The following CNTN4 variants were observed in gnomAD, a reference collection of about 807,000 sequenced individuals.
CNTN4 encodes contactin 4.
CNTN4 carries 77 observed loss-of-function variants against 122.5 expected under a neutral mutation model. The observed-to-expected ratio is 0.63, with a 90% CI of 0.52 to 0.76. The LOEUF (loss-of-function observed/expected upper bound fraction) is 0.76, where lower values mean the gene tolerates loss of function less well. CNTN4 is among the 30% of genes least tolerant of loss of function. The pLI, the probability that CNTN4 is intolerant of heterozygous loss-of-function variation, is 0.00. For missense variants in CNTN4, 1,256 were observed against 1,259.1 expected (o/e 1.00, Z 0.04); for synonymous variants, 512 against 447.0 (o/e 1.15, Z -1.83).
intron 6 of CNTN4, among the ~76,000 whole-genome samples, chr3:2,797,822 A>G (rs2092235113): frequency 6.6e-6 from 1 of 152,120 alleles, no homozygotes; most frequent in Non-Finnish European, 1.5e-5. Context: ...TAGGGTGTTA[A>G]CAATGTCTGT....
intron 3 of CNTN4, among the ~76,000 whole-genome samples, chr3:2,347,213 C>T (rs556460075): frequency 2.2e-4 from 34 of 152,230 alleles, no homozygotes; most frequent in African/African-American, 8.2e-4. Flanking sequence ...ATGCAACATT[C>T]TCAATGAAAG....
intron 17 of CNTN4, among the ~76,000 whole-genome samples, chr3:3,035,644 C>A (rs1166666120): frequency 6.6e-6 from 1 of 152,148 alleles, no homozygotes; most frequent in Non-Finnish European, 1.5e-5. Flanking sequence ...GCAGCCTCGA[C>A]CTCCTGGGCT....
chr3:2,506,348 A>C (rs2076731181), intron 3 of CNTN4, among the ~76,000 whole-genome samples: 1 of 152,228 alleles, frequency 6.6e-6, no homozygotes, highest in Admixed American at 6.5e-5. Context: ...GCACCACGTT[A>C]GTGAAAAAGC....
chr3:2,543,917 A>G (rs796479683), intron 3 of CNTN4, among the ~76,000 whole-genome samples: 2 of 152,122 alleles, frequency 1.3e-5, no homozygotes, highest in South Asian at 4.1e-4. Context: ...ATCAAGAGCT[A>G]TCTTGGTATG....
intron 6 of CNTN4, among the ~76,000 whole-genome samples, chr3:2,783,085 C>T (rs149556239): frequency 0.014 from 2,053 of 151,784 alleles, 15 homozygotes; most frequent in Non-Finnish European, 0.023. Context: ...TCAGGACCAG[C>T]CTGGGCAACA....
At chr3:2,508,419 G>A (rs1366696333) in intron 3 of CNTN4, among the ~76,000 whole-genome samples, 1 of 152,200 alleles carries the variant, frequency 6.6e-6, no homozygotes, top group Non-Finnish European at 1.5e-5. Flanking sequence ...GTGACTTATT[G>A]CTGAAGATTC....
At chr3:2,854,592 G>C (rs2093598514) in intron 7 of CNTN4, among the ~76,000 whole-genome samples, 1 of 152,062 alleles carries the variant, frequency 6.6e-6, no homozygotes, top group Non-Finnish European at 1.5e-5. Context: ...TATTTTCTTA[G>C]CACATTTGAT....
chr3:2,296,154 G>A (rs999710965), intron 2 of CNTN4, among the ~76,000 whole-genome samples: 3 of 152,010 alleles, frequency 2.0e-5, no homozygotes, highest in South Asian at 2.1e-4. Flanking sequence ...TTGACTTGGC[G>A]ATGCGGGCTC....
intron 3 of CNTN4, among the ~76,000 whole-genome samples, chr3:2,406,285 C>A (rs1428877214): frequency 6.6e-6 from 1 of 152,138 alleles, no homozygotes; most frequent in Non-Finnish European, 1.5e-5. Context: ...TCATGTACCC[C>A]TGACATGACA....
intron 4 of CNTN4, among the ~76,000 whole-genome samples, chr3:2,652,630 C>G (rs188308396): frequency 6.6e-6 from 1 of 152,158 alleles, no homozygotes; most frequent in African/African-American, 2.4e-5. Context: ...ACAAAGAAAA[C>G]TCAGCAGGGG....
intron 7 of CNTN4, among the ~76,000 whole-genome samples, chr3:2,855,820 G>C (rs1199547890): frequency 6.6e-6 from 1 of 151,972 alleles, no homozygotes; most frequent in Non-Finnish European, 1.5e-5. Context: ...TTTTCTTTCT[G>C]TCTTAGTAAA....
chr3:2,638,928 A>G (rs561751977), intron 4 of CNTN4, among the ~76,000 whole-genome samples: 8 of 152,282 alleles, frequency 5.3e-5, no homozygotes, highest in Non-Finnish European at 7.4e-5. Context: ...CCATGCTACC[A>G]TTCTGGTCTG....
intron 4 of CNTN4, among the ~76,000 whole-genome samples, chr3:2,733,305 C>G (rs534522499): frequency 6.6e-6 from 1 of 152,230 alleles, no homozygotes; most frequent in African/African-American, 2.4e-5. Flanking sequence ...ATCCACCAAA[C>G]TTGTTGCTTT....
intron 2 of CNTN4, among the ~76,000 whole-genome samples, chr3:2,269,914 GTTTA>G (rs777408553): frequency 0.31 from 16,936 of 54,644 alleles, 5,641 homozygotes; most frequent in East Asian, 0.79. Context: ...TTGTTTGTTT[GTTTA>G]TTTATTTATT....
At chr3:2,887,251 T>A (rs1474431481) in intron 10 of CNTN4, 27 bp downstream of exon 10, 1 of 1,596,630 alleles carries the variant, frequency 6.3e-7, no homozygotes. Flanking sequence ...AGTTTATCAT[T>A]TATAGTGCTA....
intron 3 of CNTN4, chr3:2,362,487 C>G: frequency 2.0e-6 from 1 of 502,130 alleles, no homozygotes; most frequent in Non-Finnish European, 4.0e-6. Context: ...GTCTTGTGTT[C>G]CCTGAGGTGG....
At chr3:2,219,886 TTC>T (rs1559352952) in intron 2 of CNTN4, among the ~76,000 whole-genome samples, 1 of 152,154 alleles carries the variant, frequency 6.6e-6, no homozygotes, top group East Asian at 1.9e-4. Context: ...CATACCATGC[TTC>T]TATTTATTTC....
intron 2 of CNTN4, among the ~76,000 whole-genome samples, chr3:2,252,980 C>A (rs1304011418): frequency 2.0e-5 from 3 of 151,744 alleles, no homozygotes; most frequent in Non-Finnish European, 4.4e-5. Context: ...CAAAAGAATA[C>A]CAGTAATACA....
At chr3:2,722,578 G>A (rs370616583) in intron 4 of CNTN4, among the ~76,000 whole-genome samples, 13 of 152,058 alleles carry the variant, frequency 8.5e-5, no homozygotes, top group African/African-American at 1.2e-4. Context: ...CTCAATGGAC[G>A]TGCTTTTTAC....
Sources: gnomAD v4.1 joint callset for allele counts (sites outside exome capture counted in the v4.1 genomes callset) on GRCh38, gnomAD v4.1.1 for gene constraint, MANE v1.5 for transcripts, NCBI Gene and HGNC (gene_info 2026-07-23, HGNC 2026-07-21) for gene names.